PCDHGA2: variants seen among roughly 807,000 people sequenced by gnomAD.
PCDHGA2 encodes protocadherin gamma-A2.
In PCDHGA2, 40 loss-of-function variants were observed where a neutral mutation model predicts 59.2. That is an observed-to-expected ratio of 0.68 (90% CI 0.52 to 0.88). The LOEUF is 0.88. PCDHGA2 is among the 40% of genes least tolerant of loss of function. The pLI, the probability that PCDHGA2 is intolerant of heterozygous loss-of-function variation, is 0.00. For missense variants in PCDHGA2, 1,226 were observed against 1,204.0 expected, an observed-to-expected ratio of 1.02 and a Z score of -0.27; for synonymous variants, 560 against 526.0, an observed-to-expected ratio of 1.06 and a Z score of -0.89.
chr5:141,340,510 A>C lies in PCDHGA2; in HGVS notation c.1539A>C (p.Val513=). Residue 513 remains valine (V), a synonymous_variant, in exon 1 of 4, where the codon GTA becomes GTC. Coordinates refer to ENST00000394576, the MANE Select transcript of PCDHGA2 (RefSeq NM_018915.4). ...TCTCTATCAACTCCGACACTGGAGT[A>C]CTCTATGCACTGCGCTCCTTTGATT... ...SYISINSDTG[V]LYALRSFDYE... 6.2e-7 allele frequency: 1 copy of C among 1,614,146 alleles called. No individual in the cohort carries two copies. The highest frequency in any genetic ancestry group is 8.5e-7 in the Non-Finnish European group (1 of 1,180,016).
At chr5:141,441,368 G>A (rs1215599443) in intron 1 of PCDHGA2, 2 of 152,598 alleles carry the variant, frequency 1.3e-5, no homozygotes, top group African/African-American at 2.4e-5. Flanking sequence ...TGGGGCCGTG[G>A]ACCAGGAACA....
chr5:141,477,890 C>A lies in PCDHGA2; in HGVS notation c.2425-16917C>A, dbSNP rs202114426. On this transcript the variant is annotated intron_variant, in intron 1 of 3. Transcript: ENST00000394576. This position sits in a 1 kb window ranked among gnomAD's most constrained non-coding sequence, Gnocchi z 4.9. ...TACCTCAGCTGGCCACCTAGTGTCA[C>A]GGGTGGTAGGCTGGGACGCGGATGC... is the stretch of plus-strand genomic sequence containing the variant. 3.1e-6 allele frequency: 5 copies of A among 1,614,204 alleles called. 1 individual carries two copies. In the Admixed American group the frequency reaches 8.3e-5, roughly 27 times the overall value.
At chr5:141,355,098 C>T (rs1561507721) in intron 1 of PCDHGA2, 46 of 1,495,826 alleles carry the variant, frequency 3.1e-5, no homozygotes, top group Non-Finnish European at 4.1e-5. Flanking sequence ...CCTGAGAGCT[C>T]TGGCTGTGAA....
intron 1 of PCDHGA2, chr5:141,366,272 G>A (rs749693337): frequency 6.2e-7 from 1 of 1,613,608 alleles, no homozygotes. Context: ...GGCCGTCGAA[G>A]ACCATGGCCA....
chr5:141,422,539 C>G, intron 1 of PCDHGA2: 1 of 1,613,994 alleles, frequency 6.2e-7, no homozygotes, highest in Non-Finnish European at 8.5e-7. Flanking sequence ...TGCAGAAACT[C>G]ATGTCTGGCT....
At chr5:141,357,102 C>G (rs550336095) in intron 1 of PCDHGA2, 1 of 1,613,864 alleles carries the variant, frequency 6.2e-7, no homozygotes, top group Non-Finnish European at 8.5e-7. Context: ...CCCTGCTGGA[C>G]AGAGACGCGC....
chr5:141,387,024 G>T (rs888266912), intron 1 of PCDHGA2, among the ~76,000 whole-genome samples: 2 of 152,172 alleles, frequency 1.3e-5, no homozygotes, highest in Non-Finnish European at 2.9e-5. Context: ...GATGAATGTT[G>T]TATTTCATAA....
At position 141,339,802 on chromosome 5, in the gene PCDHGA2, G is replaced by C. The variant is rs1436063379; in HGVS notation, c.831G>C (p.Val277=). Residue 277 remains valine (V), a synonymous_variant, in exon 1 of 4, where the codon GTG becomes GTC. Transcript: ENST00000394576. ...CAGATGAGGGCTACTACGCTCAAGT[G>C]GTATATTTTCTAGAGAAAAGCCCTG... ...TDADEGYYAQ[V]VYFLEKSPGE... is the part of the protein sequence containing the mutation. The C allele has an allele frequency of 8.7e-6, 14 of 1,614,002 alleles. No individual in the cohort carries two copies. The highest frequency in any genetic ancestry group is 1.1e-5 in the Non-Finnish European group (13 of 1,180,032).
intron 1 of PCDHGA2, chr5:141,357,875 G>A (rs1004747934): frequency 5.4e-6 from 3 of 558,690 alleles, no homozygotes; most frequent in African/African-American, 3.8e-5. Flanking sequence ...TTACAACTCT[G>A]AGCCACCTCA....
intron 1 of PCDHGA2, among the ~76,000 whole-genome samples, chr5:141,438,596 A>G (rs1303292978): frequency 2.8e-5 from 1 of 35,176 alleles, no homozygotes; most frequent in Non-Finnish European, 6.2e-5. Context: ...ACATACATAT[A>G]TATATATATA....
At position 141,485,149 on chromosome 5, in the gene PCDHGA2, A is replaced by G; in HGVS notation, c.2425-9658A>G. 6.3e-7 allele frequency: 1 copy of G among 1,578,106 alleles called. No individual in the cohort carries two copies. Among genetic ancestry groups the G allele is most frequent in the South Asian group, 1.1e-5 (1 of 89,070 alleles). ...CGGCTTCATCCGCGTCTCAGGAGCA[A>G]GTAGAGAATTAGCGGGCGGCAGCAA... On this transcript the variant is annotated intron_variant, in intron 1 of 3. Transcript: ENST00000394576. This position sits in a 1 kb window ranked among gnomAD's most constrained non-coding sequence, Gnocchi z 5.7.
At position 141,490,938 on chromosome 5, in the gene PCDHGA2, C is replaced by T. The variant is rs2099706179; in HGVS notation, c.2425-3869C>T. ...ATGATAATGCCCCAGCTGTGCTGCA[C>T]CCACGGCCAGACTGGGAACACTCAG... On this transcript the variant is annotated intron_variant, in intron 1 of 3. Coordinates refer to ENST00000394576, the MANE Select transcript of PCDHGA2 (RefSeq NM_018915.4). This position sits in a 1 kb window ranked among gnomAD's most constrained non-coding sequence, Gnocchi z 5.4. 6.2e-7 allele frequency: 1 copy of T among 1,613,554 alleles called. No homozygotes were observed. Among genetic ancestry groups the T allele is most frequent in the African/African-American group, 1.3e-5 (1 of 74,934 alleles).
chr5:141,347,786 CAA>C (rs1186221035), intron 1 of PCDHGA2, among the ~76,000 whole-genome samples: 22 of 106,198 alleles, frequency 2.1e-4, no homozygotes, highest in Non-Finnish European at 2.0e-4. Flanking sequence ...GACTCCATCT[CAA>C]AAAAAAAAAA....
At chr5:141,510,139 G>T (rs931012964) in intron 3 of PCDHGA2, among the ~76,000 whole-genome samples, 1 of 152,136 alleles carries the variant, frequency 6.6e-6, no homozygotes, top group Non-Finnish European at 1.5e-5. Context: ...CTGGGCTAGT[G>T]GTGTGCACCT....
chr5:141,403,377 T>G lies in PCDHGA2; in HGVS notation c.2424+61982T>G. 6.2e-7 allele frequency: 1 copy of G among 1,614,016 alleles called. No homozygotes were observed. The highest frequency in any genetic ancestry group is 8.5e-7 in the Non-Finnish European group (1 of 1,179,900). On this transcript the variant is annotated intron_variant, in intron 1 of 3. Transcript: ENST00000394576. ...CAGGCCGAAAGTCTGGAAGTAAAAA[T>G]TAACGAAATCGCGGTTCCTGGAGCA... is the stretch of plus-strand genomic sequence containing the variant.
chr5:141,344,553 C>A (rs1401473342), intron 1 of PCDHGA2: 6 of 1,613,858 alleles, frequency 3.7e-6, no homozygotes, highest in African/African-American at 1.3e-5. Context: ...CAAGCTTAGC[C>A]CCAATGACTA....
In PCDHGA2 at chr5:141,431,931, C is replaced by T. The variant is rs2097430107; in HGVS notation, c.2425-62876C>T. ...ATCTGTTTCATCCAAGGAAATCTGCCCTTTAAATTAGAAAAATCTTACGGA... is the reference window on the plus strand; with the variant it reads ...ATCTGTTTCATCCAAGGAAATCTGCTCTTTAAATTAGAAAAATCTTACGGA... On this transcript the variant is annotated intron_variant, in intron 1 of 3. Transcript: ENST00000394576. This position sits in a 1 kb window ranked among gnomAD's most constrained non-coding sequence, Gnocchi z 4.8. The T allele has an allele frequency of 6.2e-7, 1 of 1,613,924 alleles. No homozygotes were observed. Among genetic ancestry groups the T allele is most frequent in the Admixed American group, 1.7e-5 (1 of 59,986 alleles).
Position 141,340,383 on chromosome 5 carries a change from T to C in PCDHGA2, c.1412T>C (p.Val471Ala), listed in dbSNP as rs111710453. The C allele has an allele frequency of 6.2e-7, 1 of 1,613,936 alleles. No individual in the cohort carries two copies. Among genetic ancestry groups the C allele is most frequent in the African/African-American group, 1.3e-5 (1 of 74,862 alleles). Reference sequence around the variant, plus strand: ...GAAAACAACCCCAGAGGAGCCTCTGTCTTCTCAGTGACGGCCCATGACCCC... The same window carrying C: ...GAAAACAACCCCAGAGGAGCCTCTGCCTTCTCAGTGACGGCCCATGACCCC... ...IPENNPRGAS[V>A]FSVTAHDPDS... The change falls in exon 1 of 4, where the codon GTC (valine) becomes GCC (alanine). Residue 471 changes from valine to alanine, a missense_variant. Val to Ala is a moderately conservative substitution (Grantham distance 64). Transcript: ENST00000394576.
chr5:141,512,702 C>T lies in PCDHGA2; in HGVS notation c.*1529C>T, dbSNP rs940927635. 2.0e-5 allele frequency: 3 copies of T among 152,828 alleles called. No homozygotes were observed. Among genetic ancestry groups the T allele is most frequent in the Non-Finnish European group, 2.9e-5 (2 of 68,560 alleles). The allele number at this position is 152,828 out of a possible 1,614,324, so 9.5% of individuals were successfully genotyped here. ...ATAGCCAGTAGTGTAGTGCGGTGTG[C>T]TTTTACGTGATGGCGGGTGGGCAGC... On this transcript the variant is annotated 3_prime_UTR_variant, in exon 4 of 4. Transcript: ENST00000394576.
Sources: gnomAD v4.1 joint callset for allele counts (sites outside exome capture counted in the v4.1 genomes callset) on GRCh38, gnomAD v4.1.1 for gene constraint, Gnocchi (gnomAD v3.1) non-coding constraint, MANE v1.5 for transcripts, NCBI Gene and HGNC (gene_info 2026-07-23, HGNC 2026-07-21) for gene names.